Variants in POMGNT1 observed in about 807,000 individuals in gnomAD.
The protein encoded by POMGNT1 is protein O-linked-mannose beta-1,2-N-acetylglucosaminyltransferase 1.
POMGNT1 carries 67 observed loss-of-function variants against 95.6 expected under a neutral mutation model. The observed-to-expected ratio is 0.70, with a 90% CI of 0.58 to 0.86. The LOEUF (loss-of-function observed/expected upper bound fraction) is 0.86, where lower values mean the gene tolerates loss of function less well. POMGNT1 is among the 40% of genes least tolerant of loss of function. The pLI, the probability that POMGNT1 is intolerant of heterozygous loss-of-function variation, is 0.00. For missense variants in POMGNT1, 719 were observed against 855.2 expected, an observed-to-expected ratio of 0.84 and a Z score of 1.99; for synonymous variants, 298 against 317.9, an observed-to-expected ratio of 0.94 and a Z score of 0.66.
intron 1 of POMGNT1, among the ~76,000 whole-genome samples, chr1:46,203,837 C>G (rs1658626878): frequency 6.6e-6 from 1 of 152,004 alleles, no homozygotes; most frequent in Non-Finnish European, 1.5e-5. Flanking sequence ...TGTTGATGGT[C>G]CTGAGGACTT....
intron 1 of POMGNT1, among the ~76,000 whole-genome samples, chr1:46,213,064 A>T (rs1321765957): frequency 6.6e-6 from 1 of 152,126 alleles, no homozygotes; most frequent in Non-Finnish European, 1.5e-5. Flanking sequence ...TTGATCAATG[A>T]TAGACTACAT....
intron 1 of POMGNT1, chr1:46,203,594 G>A (rs1490480940): frequency 6.3e-7 from 1 of 1,592,940 alleles, no homozygotes; most frequent in South Asian, 1.1e-5. Context: ...ACGACTTGGG[G>A]GACAAGATCA....
chr1:46,209,747 G>A (rs1658835777), intron 1 of POMGNT1, among the ~76,000 whole-genome samples: 1 of 151,832 alleles, frequency 6.6e-6, no homozygotes, highest in South Asian at 2.1e-4. Flanking sequence ...CTGACCTCGG[G>A]TAATCCACTT....
At chr1:46,219,661 C>T in intron 1 of POMGNT1, 1 of 1,534,550 alleles carries the variant, frequency 6.5e-7, no homozygotes, top group Non-Finnish European at 8.7e-7. Flanking sequence ...AAACCCATGC[C>T]CCAGAACTGG....
chr1:46,197,678 G>T (rs1658351697), intron 2 of POMGNT1, 24 bp downstream of exon 2: 2 of 1,613,808 alleles, frequency 1.2e-6, no homozygotes, highest in Non-Finnish European at 1.7e-6. Context: ...CGCTCGGTGG[G>T]GAGGGTTTGG....
intron 7 of POMGNT1, 93 bp downstream of exon 7, chr1:46,194,751 C>G (rs2148203828): frequency 6.2e-7 from 1 of 1,613,834 alleles, no homozygotes; most frequent in South Asian, 1.1e-5. Context: ...CTGCCACTGG[C>G]TCCTATTTGT....
At position 46,193,881 on chromosome 1, in the gene POMGNT1, T is replaced by C. The variant is rs202058059; in HGVS notation, c.924A>G (p.Ala308=). The C allele has an allele frequency of 7.4e-6, 12 of 1,614,146 alleles. No individual in the cohort carries two copies. In the Admixed American group the frequency reaches 1.0e-4, roughly 13 times the overall value. ...TGTACAGGTAATTGGGTCGGTTCCC[T>C]GCAATGACAGCCACAGGCACATTGA... is the stretch of plus-strand genomic sequence containing the variant. ...KVLNVPVAVI[A]GNRPNYLYRM... Residue 308 remains alanine, a synonymous_variant, in exon 10 of 22, where the codon GCA becomes GCG. Coordinates refer to ENST00000371984, the MANE Select transcript of POMGNT1 (RefSeq NM_017739.4).
At chr1:46,215,912 C>T (rs925393900) in intron 1 of POMGNT1, among the ~76,000 whole-genome samples, 2 of 151,946 alleles carry the variant, frequency 1.3e-5, no homozygotes, top group Admixed American at 6.6e-5. Context: ...AAATAAAATA[C>T]GACAATGGAA....
At chr1:46,192,756 G>A (rs992541305) in intron 14 of POMGNT1, 144 bp downstream of exon 14, 57 of 1,580,208 alleles carry the variant, frequency 3.6e-5, no homozygotes, top group Non-Finnish European at 2.7e-5. Context: ...TTCAACAGCA[G>A]CCCCAACACC....
At chr1:46,218,745 A>G (rs1381340936) in intron 1 of POMGNT1, among the ~76,000 whole-genome samples, 1 of 152,114 alleles carries the variant, frequency 6.6e-6, no homozygotes, top group Non-Finnish European at 1.5e-5. Flanking sequence ...TACTTCCAGT[A>G]CAGACAGGTA....
At position 46,203,688 on chromosome 1, in the gene POMGNT1, C is replaced by A. The variant is rs1658621976; in HGVS notation, c.-50-5817G>T. On this transcript the variant is annotated intron_variant, in intron 1 of 22. Transcript: ENST00000371992. ...AGTGTAGGGCCGGGAGGGACGAACT[C>A]ATGCTCCCAGAGTTAAGCTGGAGAG... The A allele has an allele frequency of 1.9e-5, 28 of 1,493,484 alleles. No homozygotes were observed. The South Asian group carries it at 3.1e-4, about 17-fold the overall frequency. The allele number at this position is 1,493,484 out of a possible 1,614,324, so 92.5% of individuals were successfully genotyped here.
upstream of POMGNT1, among the ~76,000 whole-genome samples, chr1:46,200,809 C>G (rs979658515): frequency 6.6e-6 from 1 of 152,200 alleles, no homozygotes; most frequent in East Asian, 1.9e-4. Context: ...TCCTCCTATC[C>G]TTTTCTCCTT....
At chr1:46,201,433 C>G (rs1658528718), upstream of POMGNT1, among the ~76,000 whole-genome samples, 1 of 152,142 alleles carries the variant, frequency 6.6e-6, no homozygotes, top group African/African-American at 2.4e-5. Flanking sequence ...GGCGCAGTGG[C>G]TCACACCTGT....
intron 1 of POMGNT1, among the ~76,000 whole-genome samples, chr1:46,212,315 A>C (rs1571687667): frequency 6.9e-6 from 1 of 144,364 alleles, no homozygotes; most frequent in Non-Finnish European, 1.5e-5. Flanking sequence ...GAGTCTTGCT[A>C]TGTCATCCAG....
chr1:46,206,277 G>T (rs1025366873), intron 1 of POMGNT1, among the ~76,000 whole-genome samples: 1 of 152,204 alleles, frequency 6.6e-6, no homozygotes, highest in Non-Finnish European at 1.5e-5. Flanking sequence ...GGTGGAGGGG[G>T]TAGAGGGAGA....
At chr1:46,218,974 T>C (rs533607077) in intron 1 of POMGNT1, among the ~76,000 whole-genome samples, 2 of 152,224 alleles carry the variant, frequency 1.3e-5, no homozygotes, top group African/African-American at 4.8e-5. Flanking sequence ...TTTCTATGTC[T>C]TTCTGGTGAA....
At position 46,189,946 on chromosome 1, in the gene POMGNT1, A is replaced by T. The variant is rs753688195; in HGVS notation, c.1693T>A (p.Ser565Thr). 18 of 1,614,130 alleles carry T rather than the reference A, an allele frequency of 1.1e-5. No homozygotes were observed. The highest frequency in any genetic ancestry group is 1.5e-5 in the Non-Finnish European group (18 of 1,180,012). Residue 565 changes from serine to threonine, a missense_variant, in exon 20 of 22, where the codon TCT (serine) becomes ACT (threonine). Ser to Thr is a moderately conservative substitution (Grantham distance 58). Around this residue, in one of 5 missense-constraint regions of POMGNT1, gnomAD observed 130 missense variants for 149.2 expected, o/e 0.87. Coordinates refer to ENST00000371984, the MANE Select transcript of POMGNT1 (RefSeq NM_017739.4). The part of the protein sequence containing the change: ...LDHSKNPCED[S>T]FLPDTEGHTY... ...TGGCCCTCTGTGTCTGGCAGGAAAG[A>T]GTCTTCACAAGGGTTCTTGCTGTGG... is the stretch of plus-strand genomic sequence containing the variant.
In POMGNT1 at chr1:46,194,743, G is replaced by A. The variant is rs752993144; in HGVS notation, c.653-92C>T. 11 of 1,613,698 alleles carry A rather than the reference G, an allele frequency of 6.8e-6. No homozygotes were observed. The Admixed American group carries it at 1.0e-4, about 15-fold the overall frequency. On this transcript the variant is annotated intron_variant, in intron 7 of 21. Transcript: ENST00000371984. ...CCTGCCTACTTTCATCCAACCCACT[G>A]CCACTGGCTCCTATTTGTTCCCCAC... is the stretch of plus-strand genomic sequence containing the variant.
chr1:46,189,027 G>A lies in POMGNT1; in HGVS notation c.*243C>T, dbSNP rs564610096. On this transcript the variant is annotated 3_prime_UTR_variant, in exon 22 of 22. Coordinates refer to ENST00000371984, the MANE Select transcript of POMGNT1 (RefSeq NM_017739.4). ...AGGGCAGGATGAGCTGCTAGGGATC[G>A]TAATGATTCCCAGGTACTCTCCTGC... 37 of 1,575,192 alleles carry A rather than the reference G, an allele frequency of 2.3e-5. No homozygotes were observed. Among genetic ancestry groups the A allele is most frequent in the South Asian group, 2.3e-4 (20 of 86,026 alleles).
Sources: allele counts gnomAD v4.1 joint callset (sites outside exome capture counted in the v4.1 genomes callset), GRCh38; gene constraint gnomAD v4.1.1; regional missense constraint gnomAD v4.1.1; transcripts MANE v1.5; gene names NCBI Gene and HGNC (gene_info 2026-07-23, HGNC 2026-07-21).